TMEM38B: variants seen among roughly 807,000 people sequenced by gnomAD.
The protein encoded by TMEM38B is transmembrane protein 38B, also known as trimeric intracellular cation channel type B.
TMEM38B carries 24 observed loss-of-function variants against 28.7 expected under a neutral mutation model. The ratio of observed to expected loss-of-function variants is 0.84; its 90% CI spans 0.61 to 1.18. The LOEUF (loss-of-function observed/expected upper bound fraction) is 1.18. Among genes scored for constraint, TMEM38B ranks in the 50% most tolerant of loss-of-function variants. The pLI is 0.00. For synonymous variants in TMEM38B, 131 were observed against 127.7 expected (o/e 1.03, Z -0.17); for missense variants, 380 against 350.9 (o/e 1.08, Z -0.66).
At chr9:105,694,800 C>A in intron 1 of TMEM38B, 28 bp downstream of exon 1, 1 of 1,526,074 alleles carries the variant, frequency 6.6e-7, no homozygotes, top group Non-Finnish European at 9.0e-7. Flanking sequence ...CGGGCCGGAC[C>A]CCTCAGAGTG....
intron 4 of TMEM38B, among the ~76,000 whole-genome samples, chr9:105,730,298 AT>A (rs1267517358): frequency 2.0e-5 from 3 of 152,078 alleles, no homozygotes; most frequent in Non-Finnish European, 4.4e-5. Flanking sequence ...AGGCTGTTGA[AT>A]TTTTTTGAAG....
At chr9:105,756,103 C>T (rs534990647) in intron 5 of TMEM38B, among the ~76,000 whole-genome samples, 9 of 152,180 alleles carry the variant, frequency 5.9e-5, no homozygotes, top group Non-Finnish European at 1.2e-4. Context: ...GAGCCGAGAT[C>T]GCGCCATTGC....
intron 5 of TMEM38B, chr9:105,759,240 T>G: frequency 1.4e-6 from 1 of 716,722 alleles, no homozygotes; most frequent in Non-Finnish European, 2.5e-6. Flanking sequence ...TTTGGTTGTT[T>G]GTGGCTATGT....
intron 1 of TMEM38B, among the ~76,000 whole-genome samples, chr9:105,695,812 G>A (rs1404991069): frequency 6.6e-6 from 1 of 152,198 alleles, no homozygotes. Context: ...GTTGAAGTTT[G>A]TAGCTCAGTT....
intron 1 of TMEM38B, among the ~76,000 whole-genome samples, chr9:105,697,411 A>C (rs1835326051): frequency 6.6e-6 from 1 of 152,196 alleles, no homozygotes; most frequent in Admixed American, 6.5e-5. Flanking sequence ...TTAGCCTTTT[A>C]CCCGAAGTGT....
At chr9:105,758,256 G>A in intron 5 of TMEM38B, 1 of 670,880 alleles carries the variant, frequency 1.5e-6, no homozygotes, top group Non-Finnish European at 2.7e-6. Context: ...TACTTTACCA[G>A]TGTGGACACT....
chr9:105,742,119 AATGAAAG>A (rs60366563), intron 4 of TMEM38B, among the ~76,000 whole-genome samples: 32,016 of 152,020 alleles, frequency 0.21, 5,207 homozygotes, highest in East Asian at 0.46. Context: ...GACAGGATTA[AATGAAAG>A]AAGGCTGTCA....
At position 105,775,634 on chromosome 9, in the gene TMEM38B, TTAAG is replaced by T. The variant is rs1196951576; in HGVS notation, c.*1557_*1560del. On this transcript the variant is annotated 3_prime_UTR_variant, in exon 6 of 6. Coordinates refer to ENST00000374692, the MANE Select transcript of TMEM38B (RefSeq NM_018112.3). ...ATTTTTAATATTGTGACAGAAAGCTTTAAGTATTTAAGAGCTCTGTATTATATTT... is the reference window on the plus strand; with the variant it reads ...ATTTTTAATATTGTGACAGAAAGCTTTATTTAAGAGCTCTGTATTATATTT... The T allele has an allele frequency of 6.6e-6, 1 of 152,086 alleles. No homozygotes were observed. The highest frequency in any genetic ancestry group is 1.5e-5 in the Non-Finnish European group (1 of 68,012). The allele number at this position is 152,086 out of a possible 1,614,324, so 9.4% of individuals were successfully genotyped here.
In TMEM38B at chr9:105,767,611, G is replaced by A. The variant is rs1003865875; in HGVS notation, c.661-6254G>A. The stretch of plus-strand genomic sequence containing the variant: ...CAGTTATTTAGGCCTTTAAATTTTT[G>A]GAGTACTATTTTGTGGTCTTCATTG... On this transcript the variant is annotated intron_variant, in intron 5 of 5. Transcript: ENST00000374692. 7.9e-5 allele frequency among the ~76,000 whole-genome samples: 12 copies of A among 152,038 alleles called. No individual in the cohort carries two copies. The South Asian group carries it at 2.3e-3, about 29-fold the overall frequency.
intron 4 of TMEM38B, among the ~76,000 whole-genome samples, chr9:105,733,924 AT>A (rs949005598): frequency 1.3e-5 from 2 of 150,834 alleles, no homozygotes; most frequent in East Asian, 3.9e-4. Flanking sequence ...AGTTTGATTG[AT>A]TTTTTTCCCC....
chr9:105,750,633 A>ACAAATAG (rs1491514581), intron 5 of TMEM38B, among the ~76,000 whole-genome samples: 15 of 151,924 alleles, frequency 9.9e-5, no homozygotes, highest in African/African-American at 3.6e-4. Flanking sequence ...AAAACAAAAA[A>ACAAATAG]CACACATTTT....
chr9:105,758,107 C>T (rs7855362), intron 5 of TMEM38B: 4 of 443,742 alleles, frequency 9.0e-6, no homozygotes, highest in African/African-American at 3.9e-5. Context: ...CTGCCCAGGC[C>T]GCTGGGCCTG....
rs994218404 is a variant in TMEM38B, at chr9:105,748,210, A to G, written c.660+20A>G. ...ACAAAGGTAAGAATTCAAAGTACCT[A>G]TAATTATTACAAATCCTGTATAACT... On this transcript the variant is annotated intron_variant, in intron 5 of 5. Coordinates refer to ENST00000374692, the MANE Select transcript of TMEM38B (RefSeq NM_018112.3). The G allele has an allele frequency of 5.9e-6, 9 of 1,538,260 alleles. No homozygotes were observed. The highest frequency in any genetic ancestry group is 3.4e-5 in the Admixed American group (2 of 59,488).
intron 4 of TMEM38B, among the ~76,000 whole-genome samples, chr9:105,736,118 G>A (rs1564402161): frequency 6.7e-6 from 1 of 149,698 alleles, no homozygotes. Flanking sequence ...CTGAACTCCT[G>A]GCCTCAAGCA....
intron 4 of TMEM38B, among the ~76,000 whole-genome samples, chr9:105,725,345 C>A (rs1164047171): frequency 6.7e-6 from 1 of 150,296 alleles, no homozygotes; most frequent in African/African-American, 2.5e-5. Flanking sequence ...CTTTTGAATG[C>A]TCTTGTGTCC....
At chr9:105,751,538 C>T (rs532906601) in intron 5 of TMEM38B, among the ~76,000 whole-genome samples, 16 of 152,260 alleles carry the variant, frequency 1.1e-4, no homozygotes, top group African/African-American at 3.9e-4. Context: ...GAAATCCATC[C>T]GTACATATTC....
intron 4 of TMEM38B, among the ~76,000 whole-genome samples, chr9:105,736,077 A>C (rs906254709): frequency 6.8e-6 from 1 of 147,412 alleles, no homozygotes; most frequent in African/African-American, 2.5e-5. Flanking sequence ...TTTGGTAGAG[A>C]TAGGATCTCA....
chr9:105,763,900 A>G (rs1195105860), intron 5 of TMEM38B, among the ~76,000 whole-genome samples: 2 of 151,054 alleles, frequency 1.3e-5, no homozygotes, highest in Non-Finnish European at 2.9e-5. Flanking sequence ...AGTGGGCTTC[A>G]TCCCTGGGAT....
At chr9:105,762,908 C>T (rs991614740) in intron 5 of TMEM38B, among the ~76,000 whole-genome samples, 1 of 143,300 alleles carries the variant, frequency 7.0e-6, no homozygotes, top group African/African-American at 2.8e-5. Flanking sequence ...TCCACATCCT[C>T]TCCAGCACCT....
Sources: gnomAD v4.1 joint callset for allele counts (sites outside exome capture counted in the v4.1 genomes callset) on GRCh38, gnomAD v4.1.1 for gene constraint, MANE v1.5 for transcripts, NCBI Gene and HGNC (gene_info 2026-07-23, HGNC 2026-07-21) for gene names.